Variants in CUX1 observed in about 807,000 individuals in gnomAD.
CUX1 encodes cut like homeobox 1.
In CUX1, 31 loss-of-function variants were observed where a neutral mutation model predicts 158.8. That is an observed-to-expected ratio of 0.20 (90% CI 0.15 to 0.26). CUX1 has a LOEUF of 0.26. Ranked by LOEUF, CUX1 falls within the 10% of genes least tolerant of loss-of-function variation. CUX1 has a pLI of 1.00. For synonymous variants in CUX1, 879 were observed against 862.1 expected, an observed-to-expected ratio of 1.02 and a Z score of -0.34; for missense variants, 1,589 against 2,014.6, an observed-to-expected ratio of 0.79 and a Z score of 4.04.
chr7:101,964,661 G>T (rs1053196319), intron 2 of CUX1, among the ~76,000 whole-genome samples: 3 of 152,164 alleles, frequency 2.0e-5, no homozygotes, highest in Middle Eastern at 3.2e-3. Flanking sequence ...GATTTGGGTG[G>T]TTTTGCACTG....
intron 3 of CUX1, among the ~76,000 whole-genome samples, chr7:102,065,192 C>T (rs1825403257): frequency 6.6e-6 from 1 of 152,064 alleles, no homozygotes; most frequent in Non-Finnish European, 1.5e-5. Context: ...AGCGATCCTC[C>T]CACCTCAGCC....
chr7:101,954,796 C>T (rs1382714658), intron 2 of CUX1, among the ~76,000 whole-genome samples: 2 of 152,160 alleles, frequency 1.3e-5, no homozygotes, highest in African/African-American at 2.4e-5. Context: ...TGCTTAACCA[C>T]GACAAACTCC....
intron 2 of CUX1, among the ~76,000 whole-genome samples, chr7:101,954,031 A>T (rs945130164): frequency 2.6e-5 from 4 of 152,198 alleles, no homozygotes; most frequent in East Asian, 1.9e-4. Context: ...TACAAAAAAA[A>T]TTTTTTTAAG....
In CUX1 at chr7:102,166,085, C is replaced by T. The variant is rs557974654; in HGVS notation, c.724-4361C>T. On this transcript the variant is annotated intron_variant, in intron 9 of 23. Transcript: ENST00000292535. ...AGGATGTGAGGTGTGCCTGGGGCCA[C>T]ACATGCCAGGGACCTTCGTGACAAT... Among the ~76,000 whole-genome samples the T allele has an allele frequency of 1.6e-4, 24 of 152,316 alleles. No homozygotes were observed. In the South Asian group the frequency reaches 2.5e-3, roughly 16 times the overall value.
chr7:102,216,604 A>T (rs1269703943), intron 20 of CUX1, among the ~76,000 whole-genome samples: 6 of 64,892 alleles, frequency 9.2e-5, no homozygotes, highest in Admixed American at 2.2e-4. Flanking sequence ...ACTCCCACAC[A>T]CACACACACA....
chr7:102,099,107 C>T (rs565538529), intron 5 of CUX1, among the ~76,000 whole-genome samples: 3 of 152,080 alleles, frequency 2.0e-5, no homozygotes, highest in Non-Finnish European at 4.4e-5. Flanking sequence ...GTGAGGGCGG[C>T]GGTGCCTAAG....
intron 10 of CUX1, among the ~76,000 whole-genome samples, chr7:102,174,986 T>C (rs1371432121): frequency 6.6e-6 from 1 of 152,166 alleles, no homozygotes; most frequent in Non-Finnish European, 1.5e-5. Context: ...AGAGGGAGGA[T>C]GGTCATGTCT....
chr7:102,009,941 A>G (rs1210347777), intron 2 of CUX1, among the ~76,000 whole-genome samples: 1 of 152,206 alleles, frequency 6.6e-6, no homozygotes, highest in Non-Finnish European at 1.5e-5. Context: ...CCTGGTTGGT[A>G]CATGTTAAAA....
chr7:102,106,174 G>T (rs528192792), intron 6 of CUX1, among the ~76,000 whole-genome samples: 1 of 127,078 alleles, frequency 7.9e-6, no homozygotes, highest in South Asian at 2.7e-4. Flanking sequence ...TGCAACCTCC[G>T]CCTCCCAGGT....
At chr7:102,138,309 G>C (rs1197777467) in intron 8 of CUX1, among the ~76,000 whole-genome samples, 3 of 152,096 alleles carry the variant, frequency 2.0e-5, no homozygotes, top group Non-Finnish European at 2.9e-5. Flanking sequence ...ACATTTTACT[G>C]ATATAACTCT....
chr7:102,167,764 G>A (rs1791213502), intron 9 of CUX1, among the ~76,000 whole-genome samples: 1 of 152,152 alleles, frequency 6.6e-6, no homozygotes, highest in Non-Finnish European at 1.5e-5. Flanking sequence ...TTTTGTTGAA[G>A]AGGACATTTT....
chr7:102,108,771 T>TGTGTGTGTGTG (rs1554489271), intron 6 of CUX1, among the ~76,000 whole-genome samples: 8 of 151,100 alleles, frequency 5.3e-5, no homozygotes, highest in South Asian at 2.1e-4. Context: ...TGTGTGTGTG[T>TGTGTGTGTGTG]TTTGAGACAA....
intron 3 of CUX1, among the ~76,000 whole-genome samples, chr7:102,062,017 G>A (rs2130391965): frequency 6.6e-6 from 1 of 152,344 alleles, no homozygotes. Context: ...GGCTGTGACT[G>A]TGCCCCAGCC....
intron 1 of CUX1, 146 bp from the exon 2 acceptor site, chr7:101,915,969 C>T: frequency 1.5e-6 from 1 of 648,400 alleles, no homozygotes; most frequent in Non-Finnish European, 2.9e-6. Flanking sequence ...TCCCGCCACC[C>T]TCCAGCCCCT....
intron 6 of CUX1, among the ~76,000 whole-genome samples, chr7:102,108,771 T>TGTGTGTG (rs1554489271): frequency 4.6e-5 from 7 of 151,110 alleles, no homozygotes; most frequent in South Asian, 2.1e-4. Flanking sequence ...TGTGTGTGTG[T>TGTGTGTG]TTTGAGACAA....
intron 1 of CUX1, among the ~76,000 whole-genome samples, chr7:101,836,592 A>G (rs1055460372): frequency 4.1e-4 from 62 of 151,192 alleles, no homozygotes; most frequent in African/African-American, 1.5e-3. Flanking sequence ...CTGTAATCCC[A>G]ACACTTTGGG....
intron 2 of CUX1, among the ~76,000 whole-genome samples, chr7:101,942,719 G>A (rs1807862193): frequency 6.6e-6 from 1 of 152,112 alleles, no homozygotes; most frequent in South Asian, 2.1e-4. Flanking sequence ...CCCCTGCGTC[G>A]ACCTCCCAAA....
chr7:102,080,133 C>T (rs1554478097), intron 4 of CUX1, among the ~76,000 whole-genome samples: 1 of 152,208 alleles, frequency 6.6e-6, no homozygotes, highest in Non-Finnish European at 1.5e-5. Flanking sequence ...CGGCTGCCGT[C>T]CTTCCCAAGG....
rs147750834 is a variant in CUX1, at chr7:101,838,326, C to T, written c.30+20657C>T. Among the ~76,000 whole-genome samples, 1,165 of 151,052 alleles carry T rather than the reference C, an allele frequency of 7.7e-3. 9 individuals are homozygous for T. Among genetic ancestry groups the T allele is most frequent in the African/African-American group, 0.027 (1,119 of 41,218 alleles). ...TATATGTTTAGTAGAGACGGGCTTT[C>T]ACCATGTTGGCTAGGCTGGTCTTGA... is the stretch of plus-strand genomic sequence containing the variant. On this transcript the variant is annotated intron_variant, in intron 1 of 23. Coordinates refer to ENST00000292535, the MANE Select transcript of CUX1 (RefSeq NM_181552.4).
Sources: gnomAD v4.1 joint callset for allele counts (sites outside exome capture counted in the v4.1 genomes callset) on GRCh38, gnomAD v4.1.1 for gene constraint, MANE v1.5 for transcripts, NCBI Gene and HGNC (gene_info 2026-07-23, HGNC 2026-07-21) for gene names.